The following COX16 variants were observed in gnomAD, a reference collection of about 807,000 sequenced individuals.
COX16 encodes the protein cytochrome c oxidase assembly protein COX16 homolog, mitochondrial.
A neutral mutation model predicts 15.4 loss-of-function variants in COX16; 12 were observed. The ratio of observed to expected loss-of-function variants is 0.78; its 90% confidence interval spans 0.50 to 1.26. COX16 has a LOEUF of 1.26. Among genes scored for constraint, COX16 ranks in the 50% most tolerant of loss-of-function variants. COX16 has a pLI of 0.00. For synonymous variants in COX16, 46 were observed against 41.1 expected, an observed-to-expected ratio of 1.12 and a Z score of -0.46; for missense variants, 124 against 127.6, an observed-to-expected ratio of 0.97 and a Z score of 0.14.
At chr14:70,336,049 G>A (rs1221214252) in intron 2 of COX16, among the ~76,000 whole-genome samples, 1 of 152,164 alleles carries the variant, frequency 6.6e-6, no homozygotes, top group East Asian at 1.9e-4. Flanking sequence ...GAGGTCAGGA[G>A]ATCAAGACCA....
intron 3 of COX16, among the ~76,000 whole-genome samples, chr14:70,327,891 G>C (rs1886132444): frequency 1.3e-5 from 2 of 152,088 alleles, no homozygotes; most frequent in East Asian, 1.9e-4. Flanking sequence ...CAGCCAACTG[G>C]TATAGGCCTG....
chr14:70,342,580 T>G, intron 2 of COX16, 78 bp downstream of exon 2: 1 of 1,410,780 alleles, frequency 7.1e-7, no homozygotes, highest in South Asian at 1.5e-5. Flanking sequence ...GACTACTTAG[T>G]ATACTGAGTA....
At position 70,329,218 on chromosome 14, in the gene COX16, T is replaced by A. The variant is rs1340904488; in HGVS notation, c.160A>T (p.Lys54Ter). 6.2e-6 allele frequency: 10 copies of A among 1,607,970 alleles called. No homozygotes were observed. Among genetic ancestry groups the A allele is most frequent in the Admixed American group, 1.7e-5 (1 of 59,170 alleles). Residue 54 changes from lysine to a stop codon, truncating the protein, a stop_gained, in exon 3 of 4, where the codon AAA becomes TAA. Transcript: ENST00000389912. LOFTEE classifies it high-confidence loss of function. ...GATATTTTATTCTCTTTCAGTTTTT[T>A]TTCAAGCTCAGGATCCATCTGTAGA... is the stretch of plus-strand genomic sequence containing the variant. ...VKSKMDPELE[K>*]KLKENKISLE...
chr14:70,335,979 A>G (rs562628006), intron 2 of COX16, among the ~76,000 whole-genome samples: 31 of 152,318 alleles, frequency 2.0e-4, no homozygotes, highest in African/African-American at 7.2e-4. Context: ...CAGTAGGGCC[A>G]GGTGTGGTGG....
chr14:70,335,125 A>AAAAG (rs1491127222), intron 2 of COX16, among the ~76,000 whole-genome samples: 1 of 152,238 alleles, frequency 6.6e-6, no homozygotes, highest in African/African-American at 2.4e-5. Flanking sequence ...ATATAATGAT[A>AAAAG]AAAGAGTCAA....
At chr14:70,333,980 C>T (rs892348500) in intron 2 of COX16, among the ~76,000 whole-genome samples, 2 of 152,134 alleles carry the variant, frequency 1.3e-5, no homozygotes, top group Non-Finnish European at 2.9e-5. Flanking sequence ...ACCAAAAATA[C>T]TGTATCCAGC....
intron 2 of COX16, among the ~76,000 whole-genome samples, chr14:70,339,619 T>C (rs1480083571): frequency 6.6e-6 from 1 of 152,110 alleles, no homozygotes; most frequent in Non-Finnish European, 1.5e-5. Context: ...CTAACCTCAA[T>C]CTCTCAACCC....
chr14:70,349,967 C>G (rs1307471690), intron 1 of COX16, among the ~76,000 whole-genome samples: 1 of 152,184 alleles, frequency 6.6e-6, no homozygotes, highest in African/African-American at 2.4e-5. Context: ...ACCAGCCCGT[C>G]TCTCAAGAAT....
At position 70,359,137 on chromosome 14, in the gene COX16, G is replaced by A. The variant is rs1164297955; in HGVS notation, c.69+382C>T. On this transcript the variant is annotated intron_variant, in intron 1 of 3. Coordinates refer to ENST00000389912, the MANE Select transcript of COX16 (RefSeq NM_016468.7). ...TCGTCAAAACATAGCTAAGTTGGGG[G>A]CGAGGAAGCAAGCTTAGTAATCATC... 1.7e-5 allele frequency: 8 copies of A among 459,414 alleles called. 1 individual carries two copies. The highest frequency in any genetic ancestry group is 1.1e-4 in the South Asian group (7 of 64,500). 28.5% of individuals were successfully genotyped at this position (459,414 alleles called of 1,614,324 possible). A position where few individuals can be genotyped will look rare whatever the true frequency, so the allele number is the denominator to read the frequency against.
intron 1 of COX16, among the ~76,000 whole-genome samples, chr14:70,343,168 G>A (rs571827730): frequency 1.4e-4 from 21 of 152,212 alleles, no homozygotes; most frequent in Admixed American, 1.2e-3. Flanking sequence ...ATTGCTATGC[G>A]ATCTTCCTTA....
intron 2 of COX16, among the ~76,000 whole-genome samples, chr14:70,333,914 G>A (rs1303891163): frequency 6.6e-6 from 1 of 152,206 alleles, no homozygotes; most frequent in African/African-American, 2.4e-5. Context: ...AAGGCCAGAA[G>A]AGAGTGGGAC....
intron 1 of COX16, among the ~76,000 whole-genome samples, chr14:70,349,363 T>C (rs926269858): frequency 2.0e-5 from 3 of 152,178 alleles, no homozygotes; most frequent in Admixed American, 2.0e-4. Flanking sequence ...GGTCTGTACC[T>C]TCTCCAGGTA....
rs1265859302 is a variant in COX16, at chr14:70,326,008, C to CCCTAATGGCTATTGCAAAAGGAAT, written c.*301_*324dup. The CCCTAATGGCTATTGCAAAAGGAAT allele has an allele frequency of 6.3e-6, 1 of 157,916 alleles. No homozygotes were observed. Among genetic ancestry groups the CCCTAATGGCTATTGCAAAAGGAAT allele is most frequent in the Admixed American group, 6.5e-5 (1 of 15,488 alleles). The allele number at this position is 157,916 out of a possible 1,614,324, so 9.8% of individuals were successfully genotyped here. A position where few individuals can be genotyped will look rare whatever the true frequency, so the allele number is the denominator to read the frequency against. On this transcript the variant is annotated 3_prime_UTR_variant, in exon 4 of 4. Coordinates refer to ENST00000389912, the MANE Select transcript of COX16 (RefSeq NM_016468.7). ...ATCAGAATGAAATATCAAAATGATG[C>CCCTAATGGCTATTGCAAAAGGAAT]CCTAATGGCTATTGCAAAAGGAATA...
At chr14:70,356,531 A>G (rs1419676342) in intron 1 of COX16, among the ~76,000 whole-genome samples, 1 of 152,208 alleles carries the variant, frequency 6.6e-6, no homozygotes, top group African/African-American at 2.4e-5. Flanking sequence ...TGAATTTTAA[A>G]AAGGCTATGG....
chr14:70,344,050 T>C (rs1018093671), intron 1 of COX16, among the ~76,000 whole-genome samples: 9 of 152,220 alleles, frequency 5.9e-5, no homozygotes, highest in South Asian at 2.1e-4. Context: ...CTTGCTGTTT[T>C]CTGTCACTGG....
chr14:70,333,874 C>G (rs1214378782), intron 2 of COX16, among the ~76,000 whole-genome samples: 1 of 152,162 alleles, frequency 6.6e-6, no homozygotes, highest in Non-Finnish European at 1.5e-5. Context: ...ATCCATATGC[C>G]TGGCAGCAGA....
At chr14:70,329,721 C>CAA (rs199721497) in intron 2 of COX16, among the ~76,000 whole-genome samples, 2,498 of 117,824 alleles carry the variant, frequency 0.021, 66 homozygotes, top group African/African-American at 0.053. Context: ...AGATATCTAC[C>CAA]AAAAAAAAAA....
chr14:70,359,143 A>G (rs149228809), intron 1 of COX16: 152 of 462,014 alleles, frequency 3.3e-4, no homozygotes, highest in Middle Eastern at 6.4e-4. Context: ...GGGGGCGAGG[A>G]AGCAAGCTTA....
At chr14:70,356,163 C>T (rs781539510) in intron 1 of COX16, among the ~76,000 whole-genome samples, 26 of 143,518 alleles carry the variant, frequency 1.8e-4, no homozygotes, top group Non-Finnish European at 3.3e-4. Context: ...CTTTCTGGCA[C>T]CAGGGACCAG....
Sources: allele counts gnomAD v4.1 joint callset (sites outside exome capture counted in the v4.1 genomes callset), GRCh38; gene constraint gnomAD v4.1.1; transcripts MANE v1.5; gene names NCBI Gene and HGNC (gene_info 2026-07-23, HGNC 2026-07-21).